The following MYO9A variants were observed in gnomAD, a reference collection of about 807,000 sequenced individuals.
MYO9A encodes myosin IXA.
In MYO9A, 103 loss-of-function variants were observed where a neutral mutation model predicts 293.3. The ratio of observed to expected loss-of-function variants is 0.35; its 90% confidence interval spans 0.30 to 0.41. The LOEUF is 0.41. Ranked by LOEUF, MYO9A falls within the 10% of genes least tolerant of loss-of-function variation. The pLI is 1.00. For missense variants in MYO9A, 2,685 were observed against 3,033.0 expected (o/e 0.89, Z 2.69); for synonymous variants, 1,001 against 1,035.7 (o/e 0.97, Z 0.64).
At chr15:71,972,209 G>C (rs1567333555) in intron 12 of MYO9A, 1 of 152,174 alleles carries the variant, frequency 6.6e-6, no homozygotes, top group Non-Finnish European at 1.5e-5. Context: ...CACTTAGAGA[G>C]CTTCCAGATA....
chr15:71,879,047 G>C (rs1353301018), intron 30 of MYO9A, among the ~76,000 whole-genome samples: 1 of 151,966 alleles, frequency 6.6e-6, no homozygotes, highest in East Asian at 1.9e-4. Context: ...GAGCCACTGC[G>C]CCCAGCCAAG....
At chr15:72,113,136 C>T (rs1014349095) in intron 1 of MYO9A, among the ~76,000 whole-genome samples, 13 of 152,164 alleles carry the variant, frequency 8.5e-5, no homozygotes, top group African/African-American at 3.1e-4. Context: ...TATCATCCCT[C>T]TTACCAAAGT....
Position 71,987,597 on chromosome 15 carries a change from C to A in MYO9A, c.1722+3506G>T, listed in dbSNP as rs528648267. Among the ~76,000 whole-genome samples, 396 of 152,190 alleles carry A rather than the reference C, an allele frequency of 2.6e-3. 3 individuals carry two copies. Among genetic ancestry groups the A allele is most frequent in the African/African-American group, 9.0e-3 (375 of 41,522 alleles). On this transcript the variant is annotated intron_variant, in intron 11 of 41. Coordinates refer to ENST00000356056, the MANE Select transcript of MYO9A (RefSeq NM_006901.4). ...CCCCATCCTTTGTGTAACTACTTTA[C>A]CTTATATCTGATTATAGCATTTACA...
At chr15:72,056,382 A>G (rs1398303722) in intron 1 of MYO9A, among the ~76,000 whole-genome samples, 1 of 152,268 alleles carries the variant, frequency 6.6e-6, no homozygotes, top group Non-Finnish European at 1.5e-5. Flanking sequence ...ATTGTGGTCA[A>G]TATACACCAT....
rs754836593 is a variant in MYO9A at position 71,904,908 on chromosome 15, T to G, written c.2766+18A>C. ...AAGTAAGCTGAGATATGTGCTCTCA[T>G]TTATAGGACATTTTTACCTTTTCAG... is the stretch of plus-strand genomic sequence containing the variant. On this transcript the variant is annotated intron_variant, in intron 20 of 41. Coordinates refer to ENST00000356056, the MANE Select transcript of MYO9A (RefSeq NM_006901.4). 6.3e-7 allele frequency: 1 copy of G among 1,580,584 alleles called. No homozygotes were observed. The highest frequency in any genetic ancestry group is 8.7e-7 in the Non-Finnish European group (1 of 1,155,004).
rs1449380859 is a variant in MYO9A at position 71,824,286 on chromosome 15, C to CTTTAAAGTGACCTACATCAGTCGTTT, written c.*2268_*2293dup. On this transcript the variant is annotated 3_prime_UTR_variant, in exon 42 of 42. Transcript: ENST00000356056. The stretch of plus-strand genomic sequence containing the variant: ...TCTCTTAACATCCATCACCTAGTTC[C>CTTTAAAGTGACCTACATCAGTCGTTT]TTTAAAGTGACCTACATCAGTCGTT... 47 of 152,314 alleles carry CTTTAAAGTGACCTACATCAGTCGTTT rather than the reference C, an allele frequency of 3.1e-4. No homozygotes were observed. The highest frequency in any genetic ancestry group is 1.1e-3 in the African/African-American group (46 of 41,548). The allele number at this position is 152,314 out of a possible 1,614,324, so 9.4% of individuals were successfully genotyped here.
chr15:71,935,066 T>C (rs2058598286), intron 17 of MYO9A: 1 of 257,412 alleles, frequency 3.9e-6, no homozygotes, highest in Non-Finnish European at 7.3e-6. Context: ...GTCTAAACAA[T>C]AAGACCTTTA....
intron 1 of MYO9A, among the ~76,000 whole-genome samples, chr15:72,100,332 C>T (rs965178287): frequency 6.6e-6 from 1 of 152,202 alleles, no homozygotes; most frequent in Non-Finnish European, 1.5e-5. Flanking sequence ...ACTCAGTGCT[C>T]GGTGGTGCCC....
At chr15:71,915,288 C>T (rs553147381) in intron 19 of MYO9A, among the ~76,000 whole-genome samples, 48 of 152,138 alleles carry the variant, frequency 3.2e-4, no homozygotes, top group African/African-American at 1.2e-3. Context: ...TCTTCCCAAC[C>T]AAATGCCATT....
At chr15:72,102,647 T>C (rs2080397661) in intron 1 of MYO9A, among the ~76,000 whole-genome samples, 2 of 151,920 alleles carry the variant, frequency 1.3e-5, no homozygotes, top group African/African-American at 4.8e-5. Flanking sequence ...GAAAATTCAG[T>C]AGTTATACAC....
At chr15:71,976,216 A>G (rs2076145159) in intron 12 of MYO9A, among the ~76,000 whole-genome samples, 1 of 152,124 alleles carries the variant, frequency 6.6e-6, no homozygotes, top group East Asian at 1.9e-4. Flanking sequence ...ATTAGTGGGG[A>G]AAAAACCCCA....
chr15:71,866,993 G>A (rs2056349553), intron 32 of MYO9A, among the ~76,000 whole-genome samples: 1 of 152,086 alleles, frequency 6.6e-6, no homozygotes, highest in Non-Finnish European at 1.5e-5. Flanking sequence ...GGAGGTGGAA[G>A]CTGTGGTGAG....
chr15:72,009,279 T>C (rs2077106058), intron 7 of MYO9A, among the ~76,000 whole-genome samples: 1 of 152,196 alleles, frequency 6.6e-6, no homozygotes, highest in African/African-American at 2.4e-5. Context: ...TATTGTATTA[T>C]TTGATTTTAA....
rs779519439 is a variant in MYO9A, at chr15:71,827,005, T to C, written c.7222A>G (p.Lys2408Glu). The C allele has an allele frequency of 1.1e-5, 17 of 1,606,218 alleles. No individual in the cohort carries two copies. The highest frequency in any genetic ancestry group is 1.2e-5 in the Non-Finnish European group (14 of 1,177,090). Residue 2408 changes from lysine (K) to glutamate (E), a missense_variant, in exon 42 of 42, where the codon AAG becomes GAG. Lys to Glu is a moderately conservative substitution (Grantham distance 56). This residue lies in a region of MYO9A where 350 missense variants were observed against 328.9 expected (regional missense o/e 1.06). Transcript: ENST00000356056. Reference protein sequence around the residue: ...LALSSLKTAGKSEPSSKLRKQ... With the variant: ...LALSSLKTAGESEPSSKLRKQ... ...CGCAACTTGCTGGAAGGTTCAGACT[T>C]GCCAGCTGTCTTCAGGGAGCTAAGG...
chr15:71,973,940 C>T (rs2076075803), intron 12 of MYO9A, among the ~76,000 whole-genome samples: 2 of 152,154 alleles, frequency 1.3e-5, no homozygotes, highest in African/African-American at 4.8e-5. Flanking sequence ...GGCTATGTGG[C>T]AGTTTCCTTA....
intron 32 of MYO9A, among the ~76,000 whole-genome samples, chr15:71,872,916 T>C (rs909775550): frequency 6.6e-6 from 1 of 152,102 alleles, no homozygotes; most frequent in African/African-American, 2.4e-5. Flanking sequence ...CTTGTACTTT[T>C]TTTTTTCTTT....
intron 1 of MYO9A, among the ~76,000 whole-genome samples, chr15:72,047,836 G>A (rs1168643623): frequency 6.1e-5 from 7 of 115,044 alleles, no homozygotes; most frequent in Admixed American, 1.3e-4. Flanking sequence ...AGAGTACAGC[G>A]GCATGATCTT....
intron 12 of MYO9A, among the ~76,000 whole-genome samples, chr15:71,977,588 C>T (rs182246350): frequency 4.7e-4 from 72 of 151,966 alleles, no homozygotes; most frequent in Non-Finnish European, 4.7e-4. Flanking sequence ...ACATCTCATA[C>T]ATGAAGCTCA....
intron 1 of MYO9A, among the ~76,000 whole-genome samples, chr15:72,091,663 C>T (rs1424187946): frequency 6.6e-6 from 1 of 151,958 alleles, no homozygotes; most frequent in Non-Finnish European, 1.5e-5. Context: ...CAGAACACAA[C>T]TACAACTAAG....
Sources: allele counts gnomAD v4.1 joint callset (sites outside exome capture counted in the v4.1 genomes callset), GRCh38; gene constraint gnomAD v4.1.1; regional missense constraint gnomAD v4.1.1; transcripts MANE v1.5; gene names NCBI Gene and HGNC (gene_info 2026-07-23, HGNC 2026-07-21).